Variants in GBE1 observed in about 807,000 individuals in gnomAD.
GBE1 encodes the protein 1,4-alpha-glucan branching enzyme 1.
Under a neutral mutation model 88.8 loss-of-function variants are expected in GBE1, and 70 were observed. The ratio of observed to expected loss-of-function variants is 0.79; its 90% CI spans 0.65 to 0.96. The LOEUF (loss-of-function observed/expected upper bound fraction) is 0.96, where lower values mean the gene tolerates loss of function less well. Ranked by LOEUF, GBE1 falls within the 40% of genes least tolerant of loss-of-function variation. The pLI, the probability that GBE1 is intolerant of heterozygous loss-of-function variation, is 0.00. For synonymous variants in GBE1, 284 were observed against 300.1 expected (o/e 0.95, Z 0.56); for missense variants, 872 against 871.0 (o/e 1.00, Z -0.01).
At chr3:81,760,457 A>G (rs1706663719) in intron 1 of GBE1, among the ~76,000 whole-genome samples, 2 of 152,212 alleles carry the variant, frequency 1.3e-5, no homozygotes, top group South Asian at 2.1e-4. Context: ...GGCCATGTAT[A>G]TTCTGTTGCC....
chr3:81,595,810 A>G (rs1703948424), intron 7 of GBE1, among the ~76,000 whole-genome samples: 1 of 152,012 alleles, frequency 6.6e-6, no homozygotes, highest in African/African-American at 2.4e-5. Flanking sequence ...ATATTAAAAT[A>G]AAAAGACACA....
chr3:81,700,974 C>G (rs1423178787), intron 2 of GBE1, among the ~76,000 whole-genome samples: 1 of 152,136 alleles, frequency 6.6e-6, no homozygotes, highest in Non-Finnish European at 1.5e-5. Flanking sequence ...GCCTTTCTCT[C>G]TTATTATCAT....
At chr3:81,641,637 T>C (rs1559673134) in intron 7 of GBE1, among the ~76,000 whole-genome samples, 1 of 152,206 alleles carries the variant, frequency 6.6e-6, no homozygotes, top group East Asian at 1.9e-4. Flanking sequence ...TTGTTTCTTT[T>C]CTCACCTATT....
intron 2 of GBE1, among the ~76,000 whole-genome samples, chr3:81,684,790 C>T (rs554244363): frequency 6.3e-4 from 96 of 152,132 alleles, no homozygotes; most frequent in African/African-American, 2.3e-3. Context: ...TACATTTTTG[C>T]AAGCCCTGAA....
At chr3:81,505,752 G>A (rs978476154) in intron 14 of GBE1, among the ~76,000 whole-genome samples, 10 of 151,588 alleles carry the variant, frequency 6.6e-5, no homozygotes, top group African/African-American at 2.4e-4. Context: ...GGGGGTGTGT[G>A]TCTATGTGTG....
intron 12 of GBE1, among the ~76,000 whole-genome samples, chr3:81,560,164 A>G (rs1037372318): frequency 7.9e-5 from 12 of 152,126 alleles, no homozygotes; most frequent in East Asian, 5.8e-4. Flanking sequence ...ACAATTTTAC[A>G]GTCTATAGGT....
chr3:81,523,893 C>A (rs1262408148), intron 14 of GBE1, among the ~76,000 whole-genome samples: 1 of 151,694 alleles, frequency 6.6e-6, no homozygotes, highest in Non-Finnish European at 1.5e-5. Context: ...TTTGTTCATT[C>A]GTGTACTGAT....
intron 1 of GBE1, among the ~76,000 whole-genome samples, chr3:81,743,816 C>T (rs1706384842): frequency 6.6e-6 from 1 of 152,060 alleles, no homozygotes; most frequent in South Asian, 2.1e-4. Flanking sequence ...AGAATTACCT[C>T]AATGAAAAGG....
At chr3:81,654,527 A>C (rs992324032) in intron 3 of GBE1, 1 of 152,204 alleles carries the variant, frequency 6.6e-6, no homozygotes, top group Non-Finnish European at 1.5e-5. Context: ...ATGTAGCTCT[A>C]GGCTTCATGA....
intron 2 of GBE1, among the ~76,000 whole-genome samples, chr3:81,694,788 T>C (rs952560883): frequency 6.6e-6 from 1 of 152,192 alleles, no homozygotes; most frequent in Non-Finnish European, 1.5e-5. Context: ...ACTCTGCTTA[T>C]CCTTAAGAAA....
intron 12 of GBE1, among the ~76,000 whole-genome samples, chr3:81,571,844 G>T (rs913845309): frequency 5.3e-5 from 8 of 152,058 alleles, no homozygotes; most frequent in African/African-American, 1.9e-4. Flanking sequence ...AAACAAAACT[G>T]GCAGTAAGCT....
chr3:81,654,736 A>G (rs2107084428), intron 3 of GBE1: 1 of 152,358 alleles, frequency 6.6e-6, no homozygotes, highest in South Asian at 2.1e-4. Flanking sequence ...GAATTATCAA[A>G]CAAGTGATTT....
At chr3:81,525,080 T>C (rs1702926125) in intron 14 of GBE1, among the ~76,000 whole-genome samples, 1 of 151,900 alleles carries the variant, frequency 6.6e-6, no homozygotes, top group Admixed American at 6.6e-5. Flanking sequence ...AAAATTCTTC[T>C]TGTTATTAAT....
intron 12 of GBE1, among the ~76,000 whole-genome samples, chr3:81,558,039 T>C (rs1703371097): frequency 6.6e-6 from 1 of 151,950 alleles, no homozygotes; most frequent in East Asian, 1.9e-4. Context: ...GGGTAGCGTA[T>C]GAGGAAGCAG....
rs367990590 is a variant in GBE1 at position 81,754,423 on chromosome 3, CTGAT to C, written c.143+6948_143+6951del. Among the ~76,000 whole-genome samples the C allele has an allele frequency of 4.1e-3, 615 of 150,830 alleles. 9 individuals carry two copies. Among genetic ancestry groups the C allele is most frequent in the Middle Eastern group, 0.014 (4 of 290 alleles). On this transcript the variant is annotated intron_variant, in intron 1 of 15. Transcript: ENST00000429644. The stretch of plus-strand genomic sequence containing the variant: ...ACTCAATGCAATCCCTATCAAAACG[CTGAT>C]TATCATATTCTTCACAGAAATATAA...
intron 7 of GBE1, among the ~76,000 whole-genome samples, chr3:81,613,881 T>C (rs115891425): frequency 0.012 from 1,809 of 151,886 alleles, 38 homozygotes; most frequent in African/African-American, 0.04. Context: ...GTTTTAAACA[T>C]TGAAAGTGTA....
At chr3:81,696,020 AG>A (rs532287828) in intron 2 of GBE1, among the ~76,000 whole-genome samples, 94 of 152,308 alleles carry the variant, frequency 6.2e-4, no homozygotes, top group Middle Eastern at 6.8e-3. Flanking sequence ...CAAAGAAGCA[AG>A]TTTCCTTTTT....
At chr3:81,562,859 C>T (rs1346487127) in intron 12 of GBE1, among the ~76,000 whole-genome samples, 1 of 151,044 alleles carries the variant, frequency 6.6e-6, no homozygotes, top group African/African-American at 2.4e-5. Flanking sequence ...GTATAGGTCA[C>T]TTTCATCTTT....
intron 12 of GBE1, among the ~76,000 whole-genome samples, chr3:81,573,773 C>CTGTGTGTGTG (rs201683183): frequency 1.2e-4 from 14 of 117,202 alleles, no homozygotes; most frequent in Non-Finnish European, 1.5e-4. Context: ...CTCTCTCTCT[C>CTGTGTGTGTG]TCTGTGTGTG....
Sources: allele counts gnomAD v4.1 joint callset (sites outside exome capture counted in the v4.1 genomes callset), GRCh38; gene constraint gnomAD v4.1.1; transcripts MANE v1.5; gene names NCBI Gene and HGNC (gene_info 2026-07-23, HGNC 2026-07-21).